The following PGS1 variants were observed in gnomAD, a reference collection of about 807,000 sequenced individuals.
The protein encoded by PGS1 is phosphatidylglycerophosphate synthase 1, also known as CDP-diacylglycerol--glycerol-3-phosphate 3-phosphatidyltransferase, mitochondrial.
PGS1 carries 44 observed loss-of-function variants against 58.3 expected under a neutral mutation model. The ratio of observed to expected loss-of-function variants is 0.75; its 90% confidence interval spans 0.59 to 0.97. The LOEUF (loss-of-function observed/expected upper bound fraction) is 0.97, where lower values mean the gene tolerates loss of function less well. Ranked by LOEUF, PGS1 falls within the 50% of genes least tolerant of loss-of-function variation. The pLI is 0.00. For synonymous variants in PGS1, 330 were observed against 311.0 expected, an observed-to-expected ratio of 1.06 and a Z score of -0.64; for missense variants, 684 against 731.1, an observed-to-expected ratio of 0.94 and a Z score of 0.74.
At position 78,400,590 on chromosome 17, in the gene PGS1, C is replaced by A; in HGVS notation, c.702-87C>A. ...TTGACCTGAGTTTGTCACCCCCCTGCTAGTTCACCTGAGACCTGGGTCACC... is the reference window on the plus strand; with the variant it reads ...TTGACCTGAGTTTGTCACCCCCCTGATAGTTCACCTGAGACCTGGGTCACC... On this transcript the variant is annotated intron_variant, in intron 5 of 9. Transcript: ENST00000262764. The surrounding 1 kb of genome is among the most constrained non-coding windows in gnomAD (Gnocchi z 4.4). 2 of 1,096,210 alleles carry A rather than the reference C, an allele frequency of 1.8e-6. No individual in the cohort carries two copies. Among genetic ancestry groups the A allele is most frequent in the Non-Finnish European group, 2.7e-6 (2 of 728,026 alleles). 67.9% of individuals were successfully genotyped at this position (1,096,210 alleles called of 1,614,324 possible).
At chr17:78,386,292 T>C (rs1195205712) in intron 1 of PGS1, among the ~76,000 whole-genome samples, 1 of 152,226 alleles carries the variant, frequency 6.6e-6, no homozygotes, top group African/African-American at 2.4e-5. Flanking sequence ...GGTGATGTAG[T>C]ACGGCTGGTT....
chr17:78,401,722 CT>C (rs2083679054), intron 6 of PGS1, among the ~76,000 whole-genome samples: 1 of 152,208 alleles, frequency 6.6e-6, no homozygotes, highest in Non-Finnish European at 1.5e-5. Context: ...GTGTGATGCT[CT>C]GCCTGCCGCC....
chr17:78,423,954 C>G (rs2086240223), intron 9 of PGS1, 107 bp from the exon 10 acceptor site: 6 of 1,613,880 alleles, frequency 3.7e-6, no homozygotes, highest in Non-Finnish European at 4.2e-6. Flanking sequence ...ACTTCGCTGC[C>G]TTCTCTTTGG....
chr17:78,395,357 T>A (rs1156621172), intron 2 of PGS1, among the ~76,000 whole-genome samples: 1 of 152,242 alleles, frequency 6.6e-6, no homozygotes, highest in Non-Finnish European at 1.5e-5. Flanking sequence ...CTTTGTTTTT[T>A]CCTTGTCCGG....
At chr17:78,416,755 G>A (rs532074499) in intron 8 of PGS1, among the ~76,000 whole-genome samples, 1 of 152,350 alleles carries the variant, frequency 6.6e-6, no homozygotes, top group South Asian at 2.1e-4. Flanking sequence ...TTCTCTGCCT[G>A]TGAAACGCAG....
At chr17:78,418,900 T>G (rs2085444291) in intron 8 of PGS1, among the ~76,000 whole-genome samples, 1 of 152,198 alleles carries the variant, frequency 6.6e-6, no homozygotes, top group South Asian at 2.1e-4. Flanking sequence ...TAATATGCAT[T>G]ACCTCGTTTA....
intron 8 of PGS1, among the ~76,000 whole-genome samples, chr17:78,417,933 T>A (rs1368409773): frequency 1.3e-5 from 2 of 149,856 alleles, no homozygotes; most frequent in Non-Finnish European, 3.0e-5. Context: ...TATAAATTTT[T>A]TTTTTTTTTT....
intron 7 of PGS1, among the ~76,000 whole-genome samples, chr17:78,410,846 C>G (rs1598360340): frequency 6.6e-6 from 1 of 152,066 alleles, no homozygotes; most frequent in South Asian, 2.1e-4. Flanking sequence ...TTATTTCATT[C>G]AAACAGATAT....
At chr17:78,384,628 C>T (rs1437567726) in intron 1 of PGS1, among the ~76,000 whole-genome samples, 1 of 152,162 alleles carries the variant, frequency 6.6e-6, no homozygotes, top group East Asian at 1.9e-4. Flanking sequence ...GACCTTCAGA[C>T]CACGCCTCTG....
At chr17:78,419,945 C>A in intron 9 of PGS1, 2 of 1,206,968 alleles carry the variant, frequency 1.7e-6, no homozygotes, top group Non-Finnish European at 2.1e-6. Flanking sequence ...CCTGTAGTCC[C>A]CTTCTGCTCT....
At chr17:78,423,785 G>A (rs930506200) in intron 9 of PGS1, 114 of 1,322,016 alleles carry the variant, frequency 8.6e-5, no homozygotes, top group Non-Finnish European at 1.0e-4. Flanking sequence ...CAAAGCACCT[G>A]ATTATTTAAG....
intron 1 of PGS1, among the ~76,000 whole-genome samples, chr17:78,390,912 A>G (rs1315175503): frequency 1.3e-5 from 2 of 151,890 alleles, no homozygotes; most frequent in African/African-American, 4.8e-5. Context: ...GATGTGTCTG[A>G]TGGTGAATGA....
In PGS1 at chr17:78,395,521, TG is replaced by T. The variant is rs563072435; in HGVS notation, c.334-782del. 2.0e-3 allele frequency among the ~76,000 whole-genome samples: 298 copies of T among 152,220 alleles called. 2 individuals are homozygous for T. The highest frequency in any genetic ancestry group is 6.8e-3 in the African/African-American group (281 of 41,532). ...TCACCTGGGTCTCCTATGTATCTTT[TG>T]GGGGTTTGACCTATGGTAGCACTGC... is the stretch of plus-strand genomic sequence containing the variant. On this transcript the variant is annotated intron_variant, in intron 2 of 9. Coordinates refer to ENST00000262764, the MANE Select transcript of PGS1 (RefSeq NM_024419.5).
At chr17:78,384,751 C>T (rs918379717) in intron 1 of PGS1, among the ~76,000 whole-genome samples, 3 of 152,236 alleles carry the variant, frequency 2.0e-5, no homozygotes, top group Non-Finnish European at 4.4e-5. Context: ...CCTACATACC[C>T]TGTTTTGAAA....
chr17:78,418,967 T>C (rs1035545375), intron 8 of PGS1, among the ~76,000 whole-genome samples: 2 of 152,178 alleles, frequency 1.3e-5, no homozygotes, highest in African/African-American at 4.8e-5. Flanking sequence ...CAACTCTAAA[T>C]TGAAGAAATT....
rs761018725 is a variant in PGS1 at position 78,399,143 on chromosome 17, G to A, written c.512-205G>A. ...GGCAAGAAGAGCAGGCGTCTGCCAC[G>A]CTGAGGACTTCAGGCCTGAGACATG... On this transcript the variant is annotated intron_variant, in intron 4 of 9. Transcript: ENST00000262764. The A allele has an allele frequency of 2.2e-5, 13 of 588,854 alleles. No homozygotes were observed. The Middle Eastern group carries it at 1.3e-3, about 61-fold the overall frequency. 36.5% of individuals were successfully genotyped at this position (588,854 alleles called of 1,614,324 possible). A position where few individuals can be genotyped will look rare whatever the true frequency, so the allele number is the denominator to read the frequency against.
chr17:78,406,190 C>G (rs571795242), intron 7 of PGS1, among the ~76,000 whole-genome samples: 3 of 152,110 alleles, frequency 2.0e-5, no homozygotes, highest in Admixed American at 2.0e-4. Flanking sequence ...TGGTGGCGGG[C>G]GCCTGTAGTC....
rs149548149 is a variant in PGS1, at chr17:78,394,973, G to A, written c.334-1335G>A. On this transcript the variant is annotated intron_variant, in intron 2 of 9. Coordinates refer to ENST00000262764, the MANE Select transcript of PGS1 (RefSeq NM_024419.5). ...AGGTCGGGCCCTGCCTGAGGAGGGT[G>A]GGCTTGCAGAGAGCAGGAAGGGGCA... 2.0e-5 allele frequency among the ~76,000 whole-genome samples: 3 copies of A among 152,322 alleles called. No homozygotes were observed. The East Asian group carries it at 5.8e-4, about 29-fold the overall frequency.
intron 7 of PGS1, among the ~76,000 whole-genome samples, chr17:78,410,619 A>T (rs778771406): frequency 2.0e-5 from 3 of 151,784 alleles, no homozygotes; most frequent in African/African-American, 4.8e-5. Context: ...GATTACAGGC[A>T]CGCACCAGAA....
Sources: allele counts gnomAD v4.1 joint callset (sites outside exome capture counted in the v4.1 genomes callset), GRCh38; gene constraint gnomAD v4.1.1; non-coding constraint Gnocchi (gnomAD v3.1); transcripts MANE v1.5; gene names NCBI Gene and HGNC (gene_info 2026-07-23, HGNC 2026-07-21).